The following STIM1 variants were observed in gnomAD, a reference collection of about 807,000 sequenced individuals.
STIM1 encodes stromal interaction molecule 1.
In STIM1, 25 loss-of-function variants were observed where a neutral mutation model predicts 74.7. The observed-to-expected ratio is 0.33, with a 90% confidence interval of 0.24 to 0.47. The LOEUF (loss-of-function observed/expected upper bound fraction) is 0.47, where lower values mean the gene tolerates loss of function less well. Among genes scored for constraint, STIM1 ranks in the 20% least tolerant of loss-of-function variants. STIM1 has a pLI of 1.00. For missense variants in STIM1, 728 were observed against 920.8 expected, an observed-to-expected ratio of 0.79 and a Z score of 2.71; for synonymous variants, 328 against 348.8, an observed-to-expected ratio of 0.94 and a Z score of 0.66.
intron 3 of STIM1, among the ~76,000 whole-genome samples, chr11:4,024,781 A>G (rs968341029): frequency 2.0e-5 from 3 of 152,138 alleles, no homozygotes; most frequent in Non-Finnish European, 4.4e-5. Context: ...CTGCTAAACC[A>G]TGATTACCAT....
chr11:3,993,063 T>A (rs1056494750), intron 2 of STIM1, among the ~76,000 whole-genome samples: 1 of 137,516 alleles, frequency 7.3e-6, no homozygotes, highest in African/African-American at 2.5e-5. Context: ...GAGAGCTTTT[T>A]TGAAAAAAAA....
At position 4,091,310 on chromosome 11, in the gene STIM1, TC is replaced by T; in HGVS notation, c.1666del (p.Leu556SerfsTer3). The T allele has an allele frequency of 6.2e-7, 1 of 1,614,164 alleles. No individual in the cohort carries two copies. The highest frequency in any genetic ancestry group is 8.5e-7 in the Non-Finnish European group (1 of 1,180,038). On this transcript the variant is annotated frameshift_variant, in exon 13 of 13. Transcript: ENST00000526596. LOFTEE classifies it high-confidence loss of function. ...TTTGACCCATTCCGATTCGGAGTCC[TC>T]CCTCCACATGAGTGACCGCCAGCGT... The part of the protein sequence containing the change: ...RDLTHSDSES[S>X]LHMSDRQRVA...
Position 4,084,773 on chromosome 11 carries a change from G to A in STIM1, c.1567+8G>A, listed in dbSNP as rs2094483370. On this transcript the variant is annotated splice_region_variant and intron_variant, in intron 11 of 12. Coordinates refer to ENST00000526596, the MANE Select transcript of STIM1 (RefSeq NM_001382567.1). ...CCCTCTGGAAATACCCCGGTTTGAGGAGCCCCTTTGGGGCATTTTGTTTTT... is the reference window on the plus strand; with the variant it reads ...CCCTCTGGAAATACCCCGGTTTGAGAAGCCCCTTTGGGGCATTTTGTTTTT... 1.6e-6 allele frequency: 2 copies of A among 1,289,326 alleles called. No individual in the cohort carries two copies. Among genetic ancestry groups the A allele is most frequent in the Non-Finnish European group, 2.0e-6 (2 of 988,856 alleles). The allele number at this position is 1,289,326 out of a possible 1,614,324, so 79.9% of individuals were successfully genotyped here. A position where few individuals can be genotyped will look rare whatever the true frequency, so the allele number is the denominator to read the frequency against.
chr11:4,047,615 CAAACAAAACA>C (rs534777254), intron 3 of STIM1, among the ~76,000 whole-genome samples: 266 of 151,440 alleles, frequency 1.8e-3, no homozygotes, highest in South Asian at 0.01. Flanking sequence ...GACCCTTTTT[CAAACAAAACA>C]AAACAAAACA....
intron 1 of STIM1, among the ~76,000 whole-genome samples, chr11:3,904,051 GCT>G (rs540539617): frequency 6.6e-6 from 1 of 151,944 alleles, no homozygotes; most frequent in Non-Finnish European, 1.5e-5. Flanking sequence ...ACAAAAATTA[GCT>G]GGGTGTGGTG....
At chr11:3,941,351 G>C (rs2093002502) in intron 1 of STIM1, among the ~76,000 whole-genome samples, 1 of 152,096 alleles carries the variant, frequency 6.6e-6, no homozygotes, top group South Asian at 2.1e-4. Context: ...GATCTGACTG[G>C]GAGGTGCAGG....
At chr11:4,046,816 A>AT (rs1282109169) in intron 3 of STIM1, among the ~76,000 whole-genome samples, 48 of 152,064 alleles carry the variant, frequency 3.2e-4, no homozygotes, top group African/African-American at 1.1e-3. Flanking sequence ...GGCCTGGCTA[A>AT]TTTTTTTATT....
intron 1 of STIM1, among the ~76,000 whole-genome samples, chr11:3,941,673 T>TATATATATAGAGAGAGAGAGAGAGAGAG (rs141623520): frequency 4.4e-5 from 4 of 90,734 alleles, no homozygotes; most frequent in Admixed American, 1.4e-4. Flanking sequence ...TATATATATA[T>TATATATATAGAGAGAGAGAGAGAGAGAG]AGAGAGAGAG....
chr11:3,877,719 A>C (rs1240073664), intron 1 of STIM1, among the ~76,000 whole-genome samples: 1 of 152,270 alleles, frequency 6.6e-6, no homozygotes, highest in African/African-American at 2.4e-5. Context: ...CCTTGTTCTC[A>C]GGCATTCCCA....
chr11:3,982,223 C>T (rs368289017), intron 2 of STIM1, among the ~76,000 whole-genome samples: 247 of 151,886 alleles, frequency 1.6e-3, no homozygotes, highest in African/African-American at 5.4e-3. Context: ...GACGGGGTTT[C>T]GCCATGTTAC....
chr11:4,046,740 C>G (rs925511409), intron 3 of STIM1, among the ~76,000 whole-genome samples: 6 of 152,174 alleles, frequency 3.9e-5, no homozygotes, highest in Non-Finnish European at 7.3e-5. Context: ...ACCTTGAACT[C>G]CTGGGCTCAA....
intron 1 of STIM1, among the ~76,000 whole-genome samples, chr11:3,881,789 T>G (rs2091513674): frequency 6.6e-6 from 1 of 152,194 alleles, no homozygotes; most frequent in African/African-American, 2.4e-5. Flanking sequence ...GTTGAAGTGA[T>G]TCTCCTGCCT....
chr11:4,057,130 A>G (rs891366694), intron 4 of STIM1, among the ~76,000 whole-genome samples: 1 of 152,254 alleles, frequency 6.6e-6, no homozygotes, highest in African/African-American at 2.4e-5. Context: ...ATGGAAAAGT[A>G]GATGACTGAC....
chr11:4,023,356 C>CT (rs2093974096), intron 2 of STIM1, among the ~76,000 whole-genome samples: 2 of 151,968 alleles, frequency 1.3e-5, no homozygotes, highest in Non-Finnish European at 2.9e-5. Context: ...AACAAACAAA[C>CT]AAACAACCAT....
chr11:3,929,873 G>A (rs1302302143), intron 1 of STIM1, among the ~76,000 whole-genome samples: 4 of 152,134 alleles, frequency 2.6e-5, no homozygotes, highest in Admixed American at 6.6e-5. Flanking sequence ...CTCTGGACAC[G>A]TGACTGGTCT....
At chr11:4,059,076 G>C (rs756908665) in intron 4 of STIM1, 13 of 798,118 alleles carry the variant, frequency 1.6e-5, no homozygotes, top group African/African-American at 5.2e-5. Flanking sequence ...GATATGGGGA[G>C]AGGGCTGAAC....
intron 10 of STIM1, 142 bp downstream of exon 10, chr11:4,083,640 C>T (rs1013717500): frequency 1.3e-6 from 1 of 774,740 alleles, no homozygotes; most frequent in African/African-American, 1.7e-5. Context: ...CAATAAAGCA[C>T]AATTTACTCA....
Position 3,855,883 on chromosome 11 carries a change from C to CTCTCT in STIM1, c.-370_-366dup, listed in dbSNP as rs3061890. 2.7e-4 allele frequency: 64 copies of CTCTCT among 237,912 alleles called. No homozygotes were observed. Among genetic ancestry groups the CTCTCT allele is most frequent in the African/African-American group, 6.6e-4 (29 of 43,968 alleles). The allele number at this position is 237,912 out of a possible 1,614,324, so 14.7% of individuals were successfully genotyped here. On this transcript the variant is annotated 5_prime_UTR_variant, in exon 1 of 13. Coordinates refer to ENST00000526596, the MANE Select transcript of STIM1 (RefSeq NM_001382567.1). Reference sequence around the variant, plus strand: ...GCGAGGTCAGGTGCCCCCTTCTCGCCTCTCTTCTCTTCTCTTCTCTTCCTC... The same window carrying CTCTCT: ...GCGAGGTCAGGTGCCCCCTTCTCGCCTCTCTTCTCTTCTCTTCTCTTCTCTTCCTC...
intron 3 of STIM1, among the ~76,000 whole-genome samples, chr11:4,042,912 A>G (rs769177695): frequency 2.6e-5 from 4 of 152,218 alleles, no homozygotes; most frequent in African/African-American, 4.8e-5. Flanking sequence ...TGGGAGACAG[A>G]TATTGCTAAA....
Sources: allele counts gnomAD v4.1 joint callset (sites outside exome capture counted in the v4.1 genomes callset), GRCh38; gene constraint gnomAD v4.1.1; transcripts MANE v1.5; gene names NCBI Gene and HGNC (gene_info 2026-07-23, HGNC 2026-07-21).